The following RPS19 variants were observed in gnomAD, a reference collection of about 807,000 sequenced individuals.
RPS19 encodes the protein small ribosomal subunit protein eS19.
Under a neutral mutation model 20.3 loss-of-function variants are expected in RPS19, and 1 was observed. The observed-to-expected ratio is 0.05, with a 90% CI of 0.02 to 0.23. The LOEUF (loss-of-function observed/expected upper bound fraction) is 0.23. RPS19 is among the 10% of genes least tolerant of loss of function. The pLI, the probability that RPS19 is intolerant of heterozygous loss-of-function variation, is 1.00. For missense variants in RPS19, 111 were observed against 192.7 expected (o/e 0.58, Z 2.51); for synonymous variants, 87 against 74.8 (o/e 1.16, Z -0.84).
chr19:41,862,363 C>T lies in RPS19; in HGVS notation c.172+1151C>T, dbSNP rs144094527. On this transcript the variant is annotated intron_variant, in intron 3 of 5. Transcript: ENST00000598742. ...GAAAGATGAACTTGCTGAGGTGGGT[C>T]GGGTTGCTGGCATACCACCTACCCA... Among the ~76,000 whole-genome samples, 73 of 152,218 alleles carry T rather than the reference C, an allele frequency of 4.8e-4. 1 individual carries two copies. In the East Asian group the frequency reaches 0.013, roughly 27 times the overall value.
rs782570681 is a variant in RPS19, at chr19:41,869,137, C to T, written c.279C>T (p.Ser93=). 2 of 1,613,952 alleles carry T rather than the reference C, an allele frequency of 1.2e-6. No individual in the cohort carries two copies. The highest frequency in any genetic ancestry group is 1.7e-6 in the Non-Finnish European group (2 of 1,179,924). Residue 93 remains serine, a synonymous_variant, in exon 4 of 6, where the codon AGC becomes AGT. Coordinates refer to ENST00000598742, the MANE Select transcript of RPS19 (RefSeq NM_001022.4). ...QRNGVMPSHF[S]RGSKSVARRV... ...ACGGCGTCATGCCCAGCCACTTCAG[C>T]CGAGGCTCCAAGAGTGTGGCCCGCC...
intron 5 of RPS19, among the ~76,000 whole-genome samples, chr19:41,871,127 T>G (rs1555841912): frequency 6.6e-6 from 1 of 151,882 alleles, no homozygotes; most frequent in Non-Finnish European, 1.5e-5. Context: ...CCTTCCAGAG[T>G]GCTGGGATTA....
intron 3 of RPS19, chr19:41,864,778 T>C (rs1242712695): frequency 1.3e-5 from 2 of 152,116 alleles, no homozygotes; most frequent in African/African-American, 4.8e-5. Flanking sequence ...GGAGAACCCA[T>C]TTGTGACAGC....
intron 4 of RPS19, 44 bp downstream of exon 4, chr19:41,869,258 GCC>G (rs782233455): frequency 2.4e-5 from 38 of 1,553,380 alleles, no homozygotes; most frequent in Non-Finnish European, 3.2e-5. Flanking sequence ...TAGCCTTGAG[GCC>G]CGGTCATCAA....
Position 41,871,604 on chromosome 19 carries a change from C to A in RPS19, c.*227C>A. The A allele has an allele frequency of 1.9e-6, 1 of 531,476 alleles. No individual in the cohort carries two copies. The highest frequency in any genetic ancestry group is 3.1e-5 in the Admixed American group (1 of 31,940). The allele number at this position is 531,476 out of a possible 1,614,324, so 32.9% of individuals were successfully genotyped here. On this transcript the variant is annotated 3_prime_UTR_variant, in exon 6 of 6. Transcript: ENST00000598742. ...GTCTGGTTTGGGTCTCTTGATTGTT[C>A]TTCAGGGGCATGAGGAAGAGGCGCT...
chr19:41,867,401 T>G (rs2074101977), intron 3 of RPS19, among the ~76,000 whole-genome samples: 2 of 152,264 alleles, frequency 1.3e-5, no homozygotes, highest in Middle Eastern at 3.4e-3. Flanking sequence ...CCTCCCAGGT[T>G]CAAGTGATTC....
intron 3 of RPS19, among the ~76,000 whole-genome samples, chr19:41,865,948 TTAAA>T (rs2074082417): frequency 1.8e-5 from 1 of 54,756 alleles, no homozygotes; most frequent in African/African-American, 6.9e-5. Flanking sequence ...GACTCCGTCT[TTAAA>T]AAAAAAAAAA....
chr19:41,868,943 C>CAGT (rs2074116217), intron 3 of RPS19, 88 bp from the exon 4 acceptor site: 2 of 1,342,060 alleles, frequency 1.5e-6, no homozygotes, highest in South Asian at 2.4e-5. Flanking sequence ...TCTTATAAAA[C>CAGT]AGTGAGAATT....
rs35987051 is a variant in RPS19, at chr19:41,870,849, C to CTTTTTTTTTTTTTTTTTTTT, written c.412-490_412-471dup. ...TGGACTCCACTCCGCCACTCCCTTC[C>CTTTTTTTTTTTTTTTTTTTT]TTTTTTTTTTTTTTTTTTTTTTTTT... On this transcript the variant is annotated intron_variant, in intron 5 of 5. Coordinates refer to ENST00000598742, the MANE Select transcript of RPS19 (RefSeq NM_001022.4). 1.6e-4 allele frequency among the ~76,000 whole-genome samples: 7 copies of CTTTTTTTTTTTTTTTTTTTT among 44,026 alleles called. 1 individual carries two copies. Among genetic ancestry groups the CTTTTTTTTTTTTTTTTTTTT allele is most frequent in the African/African-American group, 4.6e-4 (5 of 10,862 alleles). The allele number at this position is 44,026 out of a possible 152,430, so 28.9% of individuals were successfully genotyped here.
At chr19:41,860,682 G>A in intron 1 of RPS19, 93 bp from the exon 2 acceptor site, 1 of 965,276 alleles carries the variant, frequency 1.0e-6, no homozygotes, top group South Asian at 1.3e-5. Context: ...CACGGTTTAG[G>A]ATGCGCTGGA....
chr19:41,868,905 G>T, intron 3 of RPS19, 126 bp from the exon 4 acceptor site: 2 of 984,778 alleles, frequency 2.0e-6, no homozygotes, highest in Non-Finnish European at 1.5e-6. Context: ...TCAGTTTCTG[G>T]GTGTTAGTGT....
At chr19:41,861,360 A>T in intron 3 of RPS19, 148 bp downstream of exon 3, 1 of 679,458 alleles carries the variant, frequency 1.5e-6, no homozygotes, top group African/African-American at 1.8e-5. Flanking sequence ...GTGATGTGAC[A>T]TTCGATAACT....
At position 41,861,162 on chromosome 19, in the gene RPS19, A is replaced by G; in HGVS notation, c.122A>G (p.Lys41Arg). Residue 41 changes from lysine to arginine, a missense_variant, in exon 3 of 6, where the codon AAG (lysine) becomes AGG (arginine). Transcript: ENST00000598742. ...PEWVDTVKLA[K>R]HKELAPYDEN... is the part of the protein sequence containing the mutation. ...TGGGTGGATACCGTCAAGCTGGCCA[A>G]GCACAAAGAGCTTGCTCCCTACGAT... 2 of 1,614,212 alleles carry G rather than the reference A, an allele frequency of 1.2e-6. No individual in the cohort carries two copies. The highest frequency in any genetic ancestry group is 1.7e-6 in the Non-Finnish European group (2 of 1,180,040).
At chr19:41,868,995 C>G (rs782787228) in intron 3 of RPS19, 36 bp from the exon 4 acceptor site, 61 of 1,604,886 alleles carry the variant, frequency 3.8e-5, no homozygotes, top group Non-Finnish European at 4.9e-5. Flanking sequence ...AGACCTTGAT[C>G]AAGACCCTTA....
At chr19:41,863,485 T>C (rs2074054185) in intron 3 of RPS19, among the ~76,000 whole-genome samples, 1 of 152,200 alleles carries the variant, frequency 6.6e-6, no homozygotes, top group South Asian at 2.1e-4. Flanking sequence ...TATTCCCTTT[T>C]TTCTACTCAT....
intron 3 of RPS19, among the ~76,000 whole-genome samples, chr19:41,867,638 T>C (rs1456592296): frequency 6.6e-6 from 1 of 152,160 alleles, no homozygotes; most frequent in Admixed American, 6.6e-5. Flanking sequence ...AAATCATCTG[T>C]AGATTACTTA....
intron 3 of RPS19, among the ~76,000 whole-genome samples, chr19:41,863,154 A>T (rs2074050815): frequency 6.6e-6 from 1 of 152,136 alleles, no homozygotes; most frequent in African/African-American, 2.4e-5. Context: ...AGTAGCTGGG[A>T]CTACAGGTGC....
At chr19:41,869,836 T>C in intron 5 of RPS19, 83 bp downstream of exon 5, 2 of 1,441,490 alleles carry the variant, frequency 1.4e-6, no homozygotes, top group Admixed American at 1.7e-5. Context: ...CAGGTAGACT[T>C]ATTTCCTTCT....
chr19:41,867,117 G>C (rs559526197), intron 3 of RPS19, among the ~76,000 whole-genome samples: 30 of 151,942 alleles, frequency 2.0e-4, no homozygotes, highest in African/African-American at 6.8e-4. Context: ...CAGGAGTTCA[G>C]CCAGAGCAAC....
Sources: gnomAD v4.1 joint callset for allele counts (sites outside exome capture counted in the v4.1 genomes callset) on GRCh38, gnomAD v4.1.1 for gene constraint, MANE v1.5 for transcripts, NCBI Gene and HGNC (gene_info 2026-07-23, HGNC 2026-07-21) for gene names.